The following LRRFIP2 variants were observed in gnomAD, a reference collection of about 807,000 sequenced individuals.
The protein encoded by LRRFIP2 is leucine-rich repeat flightless-interacting protein 2.
LRRFIP2 carries 109 observed loss-of-function variants against 125.9 expected under a neutral mutation model. The ratio of observed to expected loss-of-function variants is 0.87; its 90% CI spans 0.74 to 1.01. The LOEUF (loss-of-function observed/expected upper bound fraction) is 1.01, where lower values mean the gene tolerates loss of function less well. Among genes scored for constraint, LRRFIP2 ranks in the 50% least tolerant of loss-of-function variants. The pLI is 0.00. For missense variants in LRRFIP2, 850 were observed against 862.3 expected (o/e 0.99, Z 0.18); for synonymous variants, 291 against 293.1 (o/e 0.99, Z 0.07).
intron 25 of LRRFIP2, 61 bp downstream of exon 25, chr3:37,058,729 A>C: frequency 6.4e-7 from 1 of 1,570,988 alleles, no homozygotes. Flanking sequence ...CCTGCTGACA[A>C]ACCCACCCCT....
At chr3:37,147,265 T>A (rs1449346452) in intron 2 of LRRFIP2, among the ~76,000 whole-genome samples, 2 of 152,188 alleles carry the variant, frequency 1.3e-5, no homozygotes, top group African/African-American at 2.4e-5. Flanking sequence ...GGTGAGAATG[T>A]TAGTTAGTTC....
chr3:37,075,710 T>C lies in LRRFIP2; in HGVS notation c.1279-594A>G, dbSNP rs901274441. On this transcript the variant is annotated intron_variant, in intron 19 of 27. Coordinates refer to ENST00000336686, the MANE Select transcript of LRRFIP2 (RefSeq NM_006309.4). Reference sequence around the variant, plus strand: ...TTTCTTTTATCATCATCAGAGCAAGTTGATTTGAAAGAAAAACACAAGAAA... The same window carrying C: ...TTTCTTTTATCATCATCAGAGCAAGCTGATTTGAAAGAAAAACACAAGAAA... 2.0e-5 allele frequency among the ~76,000 whole-genome samples: 3 copies of C among 152,050 alleles called. No individual in the cohort carries two copies. The East Asian group carries it at 5.8e-4, about 29-fold the overall frequency.
At chr3:37,113,375 A>G (rs574579910) in intron 7 of LRRFIP2, among the ~76,000 whole-genome samples, 16 of 152,208 alleles carry the variant, frequency 1.1e-4, no homozygotes, top group Non-Finnish European at 1.3e-4. Context: ...TGGTACAATC[A>G]TGGCTCACTG....
At chr3:37,127,536 T>G in intron 4 of LRRFIP2, 94 bp downstream of exon 4, 1 of 1,258,330 alleles carries the variant, frequency 7.9e-7, no homozygotes, top group Non-Finnish European at 1.1e-6. Context: ...GGCCAAACAC[T>G]CCTACTTTGC....
At chr3:37,104,944 A>C (rs2094243776) in intron 14 of LRRFIP2, among the ~76,000 whole-genome samples, 1 of 152,050 alleles carries the variant, frequency 6.6e-6, no homozygotes, top group African/African-American at 2.4e-5. Flanking sequence ...TCCTGGGCTC[A>C]AGCAATCCTC....
chr3:37,146,120 G>C (rs1206504718), intron 2 of LRRFIP2, among the ~76,000 whole-genome samples: 1 of 152,106 alleles, frequency 6.6e-6, no homozygotes, highest in African/African-American at 2.4e-5. Context: ...GAAGGTGGTG[G>C]CATTTTCCTC....
At chr3:37,113,831 T>C (rs1241669997) in intron 7 of LRRFIP2, among the ~76,000 whole-genome samples, 3 of 152,160 alleles carry the variant, frequency 2.0e-5, no homozygotes, top group Admixed American at 2.0e-4. Flanking sequence ...AATGGTCACC[T>C]TATAAAAGGG....
chr3:37,079,215 A>G (rs946330969), intron 19 of LRRFIP2, among the ~76,000 whole-genome samples: 3 of 152,242 alleles, frequency 2.0e-5, no homozygotes, highest in Non-Finnish European at 2.9e-5. Context: ...ATCATTAGTC[A>G]CCAGGGAGAT....
Position 37,075,038 on chromosome 3 carries a change from C to T in LRRFIP2, c.1357G>A (p.Asp453Asn). 1 of 1,612,198 alleles carries T rather than the reference C, an allele frequency of 6.2e-7. No individual in the cohort carries two copies. The highest frequency in any genetic ancestry group is 8.5e-7 in the Non-Finnish European group (1 of 1,179,102). Residue 453 changes from aspartate to asparagine, a missense_variant, in exon 20 of 28, where the codon GAT becomes AAT. Asp to Asn is a conservative substitution (Grantham distance 23). Transcript: ENST00000336686. ...EELKEGLRQRDELIEEKQRMQ... is the reference protein window; with the variant it reads ...EELKEGLRQRNELIEEKQRMQ... ...CATGTACATACCTCAATAAGCTCATCTCTTTGCCGCAGGCCTTCTTTAAGT... is the reference window on the plus strand; with the variant it reads ...CATGTACATACCTCAATAAGCTCATTTCTTTGCCGCAGGCCTTCTTTAAGT...
intron 4 of LRRFIP2, among the ~76,000 whole-genome samples, chr3:37,123,582 G>C (rs1175565730): frequency 6.6e-6 from 1 of 152,118 alleles, no homozygotes; most frequent in African/African-American, 2.4e-5. Flanking sequence ...CGAAAGTTTT[G>C]GGGGCATGTG....
intron 25 of LRRFIP2, among the ~76,000 whole-genome samples, chr3:37,055,827 C>T (rs896861858): frequency 6.6e-6 from 1 of 152,130 alleles, no homozygotes; most frequent in Non-Finnish European, 1.5e-5. Context: ...CGGGACTGGG[C>T]CCTCTAGTTC....
chr3:37,132,874 T>G (rs752468751), intron 2 of LRRFIP2, among the ~76,000 whole-genome samples: 9 of 152,306 alleles, frequency 5.9e-5, no homozygotes, highest in Non-Finnish European at 1.3e-4. Context: ...AATATACACC[T>G]CATACATACA....
chr3:37,121,511 CG>C lies in LRRFIP2; in HGVS notation c.310del (p.Arg104GlufsTer21), dbSNP rs760556389. On this transcript the variant is annotated frameshift_variant, in exon 6 of 28. Coordinates refer to ENST00000336686, the MANE Select transcript of LRRFIP2 (RefSeq NM_006309.4). LOFTEE classifies it high-confidence loss of function. ...YLGVEDALSI[R>X]SVGSHRYDMF... is the part of the protein sequence containing the mutation. ...ACCAACCCTGTGACTGCCAACACTT[CG>C]AATGGACAATGCATCCTCAACTCCC... is the stretch of plus-strand genomic sequence containing the variant. 4 of 1,613,818 alleles carry C rather than the reference CG, an allele frequency of 2.5e-6. No homozygotes were observed. In the African/African-American group the frequency reaches 5.3e-5, roughly 22 times the overall value.
chr3:37,100,229 G>A (rs1484360088), intron 15 of LRRFIP2, among the ~76,000 whole-genome samples: 1 of 152,012 alleles, frequency 6.6e-6, no homozygotes, highest in Non-Finnish European at 1.5e-5. Flanking sequence ...AGAGACTGAG[G>A]CAGGAAGATC....
chr3:37,076,353 CATCTCTATAA>C (rs996291728), intron 19 of LRRFIP2, among the ~76,000 whole-genome samples: 1 of 151,792 alleles, frequency 6.6e-6, no homozygotes, highest in Non-Finnish European at 1.5e-5. Context: ...GGCAAAACCC[CATCTCTATAA>C]AAAAAATTCA....
At chr3:37,106,086 T>A (rs774483927) in intron 13 of LRRFIP2, among the ~76,000 whole-genome samples, 1 of 151,936 alleles carries the variant, frequency 6.6e-6, no homozygotes, top group Non-Finnish European at 1.5e-5. Flanking sequence ...GAAGGGGAGG[T>A]GCATAAGTAA....
At chr3:37,133,626 TG>T (rs1352990049) in intron 2 of LRRFIP2, among the ~76,000 whole-genome samples, 1 of 152,140 alleles carries the variant, frequency 6.6e-6, no homozygotes, top group African/African-American at 2.4e-5. Context: ...CAATAGTGGT[TG>T]CCAGGGACTG....
intron 21 of LRRFIP2, 32 bp downstream of exon 21, chr3:37,072,758 G>T: frequency 7.5e-7 from 1 of 1,331,306 alleles, no homozygotes; most frequent in Non-Finnish European, 1.1e-6. Context: ...TCATCAATGA[G>T]CTTCTAACCA....
chr3:37,091,105 G>T (rs181600408), intron 18 of LRRFIP2, among the ~76,000 whole-genome samples: 1 of 152,138 alleles, frequency 6.6e-6, no homozygotes, highest in African/African-American at 2.4e-5. Flanking sequence ...GCTGGGCGAG[G>T]TGGCTCATGC....
Sources: gnomAD v4.1 joint callset for allele counts (sites outside exome capture counted in the v4.1 genomes callset) on GRCh38, gnomAD v4.1.1 for gene constraint, MANE v1.5 for transcripts, NCBI Gene and HGNC (gene_info 2026-07-23, HGNC 2026-07-21) for gene names.